Variants in WDFY4 observed in about 807,000 individuals in gnomAD.
WDFY4 encodes WDFY family member 4, also known as WD repeat- and FYVE domain-containing protein 4.
Under a neutral mutation model 351.9 loss-of-function variants are expected in WDFY4, and 169 were observed. The observed-to-expected ratio is 0.48, with a 90% CI of 0.42 to 0.55. The LOEUF (loss-of-function observed/expected upper bound fraction) is 0.55. Among genes scored for constraint, WDFY4 ranks in the 20% least tolerant of loss-of-function variants. WDFY4 has a pLI of 0.00. For synonymous variants in WDFY4, 1,622 were observed against 1,574.6 expected (o/e 1.03, Z -0.71); for missense variants, 3,803 against 3,935.6 (o/e 0.97, Z 0.90).
rs114778389 is a variant in WDFY4, at chr10:48,731,972, G to C, written c.1582+410G>C. Among the ~76,000 whole-genome samples the C allele has an allele frequency of 5.1e-3, 776 of 152,284 alleles. 6 individuals carry two copies. Among genetic ancestry groups the C allele is most frequent in the African/African-American group, 0.018 (735 of 41,568 alleles). On this transcript the variant is annotated intron_variant, in intron 9 of 61. Coordinates refer to ENST00000325239, the MANE Select transcript of WDFY4 (RefSeq NM_001394531.1). ...CTGTTCACTTTGCACTGTTGGCTCAGTGGTCTCCCACTGGGAGAGAGCTCC... is the reference window on the plus strand; with the variant it reads ...CTGTTCACTTTGCACTGTTGGCTCACTGGTCTCCCACTGGGAGAGAGCTCC...
chr10:48,743,162 G>C lies in WDFY4; in HGVS notation c.2073G>C (p.Ala691=), dbSNP rs769905127. ...VLYTLCAVSA[A]LHWDPVNGYF... Reference sequence around the variant, plus strand: ...ACACTCTCTGTGCTGTGTCCGCAGCGCTGCACTGGGACCCTGTCAATGGCT... The same window carrying C: ...ACACTCTCTGTGCTGTGTCCGCAGCCCTGCACTGGGACCCTGTCAATGGCT... The change falls in exon 12 of 62, where the codon GCG becomes GCC. Residue 691 remains alanine (A), a synonymous_variant. Coordinates refer to ENST00000325239, the MANE Select transcript of WDFY4 (RefSeq NM_001394531.1). 38 of 1,551,586 alleles carry C rather than the reference G, an allele frequency of 2.4e-5. No homozygotes were observed. The African/African-American group carries it at 4.1e-4, about 17-fold the overall frequency.
rs1842359212 is a variant in WDFY4 at position 48,972,005 on chromosome 10, A to G, written c.8928+1716A>G. ...GTACTGGGGCAGTGATTTTTCTATC[A>G]TCCTCTGAGTTCCCATTTAACAGTG... On this transcript the variant is annotated intron_variant, in intron 57 of 61. Coordinates refer to ENST00000325239, the MANE Select transcript of WDFY4 (RefSeq NM_001394531.1). Among the ~76,000 whole-genome samples, 5 of 152,170 alleles carry G rather than the reference A, an allele frequency of 3.3e-5. No individual in the cohort carries two copies. The South Asian group carries it at 1.0e-3, about 32-fold the overall frequency.
chr10:48,797,311 A>G (rs2066909894), intron 24 of WDFY4, among the ~76,000 whole-genome samples: 1 of 152,150 alleles, frequency 6.6e-6, no homozygotes, highest in Non-Finnish European at 1.5e-5. Flanking sequence ...CCCAGACTAC[A>G]CTTTAGCCTG....
chr10:48,808,478 C>A (rs2067331599), intron 28 of WDFY4, among the ~76,000 whole-genome samples: 1 of 152,214 alleles, frequency 6.6e-6, no homozygotes, highest in African/African-American at 2.4e-5. Flanking sequence ...CCACTGCCTG[C>A]CTGCTTTACC....
intron 54 of WDFY4, among the ~76,000 whole-genome samples, chr10:48,964,533 C>T (rs974860872): frequency 1.3e-5 from 2 of 152,180 alleles, no homozygotes; most frequent in Admixed American, 1.3e-4. Context: ...AAATACCTTG[C>T]CTAGAATTAC....
At chr10:48,817,952 T>C (rs934671117) in intron 32 of WDFY4, among the ~76,000 whole-genome samples, 4 of 152,162 alleles carry the variant, frequency 2.6e-5, no homozygotes. Context: ...CTCTGGGGGT[T>C]AGAGAAGGGG....
At chr10:48,843,881 T>C (rs1032620639) in intron 39 of WDFY4, among the ~76,000 whole-genome samples, 58 of 152,356 alleles carry the variant, frequency 3.8e-4, no homozygotes, top group African/African-American at 1.3e-3. Context: ...TTCATCTAAA[T>C]TAAGTGTTTT....
chr10:48,957,167 T>C lies in WDFY4; in HGVS notation c.8016T>C (p.Ser2672=), dbSNP rs1841633249. Residue 2672 remains serine (S), a synonymous_variant, in exon 52 of 62, where the codon AGT becomes AGC. Transcript: ENST00000325239. ...ACGTGGCAGACAGAATGTTCCACAG[T>C]GTGAAGAGCACGTGGGAGTCGGCCT... ...SFDVADRMFH[S]VKSTWESASR... is the part of the protein sequence containing the mutation. 2 of 1,551,646 alleles carry C rather than the reference T, an allele frequency of 1.3e-6. No individual in the cohort carries two copies. The highest frequency in any genetic ancestry group is 2.4e-5 in the South Asian group (2 of 84,062).
chr10:48,840,653 A>G (rs1214998989), intron 39 of WDFY4, among the ~76,000 whole-genome samples: 1 of 152,210 alleles, frequency 6.6e-6, no homozygotes, highest in Non-Finnish European at 1.5e-5. Context: ...GCAGAACTGA[A>G]CAAGGACGAG....
In WDFY4 at chr10:48,978,402, C is replaced by A; in HGVS notation, c.9376+9C>A. On this transcript the variant is annotated intron_variant, in intron 60 of 61. Transcript: ENST00000325239. ...GCCTCCAAGCCCAAGAGGTACCTGA[C>A]CTGCTAGGGATGTGGCCGTCCTGGC... The A allele has an allele frequency of 6.5e-7, 1 of 1,548,736 alleles. No homozygotes were observed. The highest frequency in any genetic ancestry group is 8.7e-7 in the Non-Finnish European group (1 of 1,145,690).
At chr10:48,936,802 C>A (rs1453100529) in intron 47 of WDFY4, among the ~76,000 whole-genome samples, 1 of 145,276 alleles carries the variant, frequency 6.9e-6, no homozygotes, top group Non-Finnish European at 1.5e-5. Context: ...CGCGCCACTG[C>A]ACTCCAGCCT....
chr10:48,956,917 A>G (rs1841617344), intron 51 of WDFY4, among the ~76,000 whole-genome samples: 1 of 152,196 alleles, frequency 6.6e-6, no homozygotes, highest in African/African-American at 2.4e-5. Flanking sequence ...TCTGCCTTGA[A>G]GCTCTGGAGC....
chr10:48,843,845 G>A (rs1194262522), intron 39 of WDFY4, among the ~76,000 whole-genome samples: 8 of 152,224 alleles, frequency 5.3e-5, no homozygotes, highest in African/African-American at 1.9e-4. Context: ...AAAATTATGA[G>A]TTATGAGGAA....
chr10:48,904,808 G>A (rs1009651787), intron 47 of WDFY4, among the ~76,000 whole-genome samples: 3 of 152,146 alleles, frequency 2.0e-5, no homozygotes, highest in South Asian at 2.1e-4. Context: ...GGATGTACCC[G>A]CCCAGCTTCT....
At chr10:48,803,381 T>C (rs1176141283) in intron 25 of WDFY4, 22 bp downstream of exon 25, 1 of 1,551,098 alleles carries the variant, frequency 6.4e-7, no homozygotes, top group Admixed American at 2.0e-5. Context: ...CTTGGCAGCC[T>C]GGGGGTTAGA....
chr10:48,958,929 C>G (rs566006856), intron 52 of WDFY4, among the ~76,000 whole-genome samples: 1 of 152,306 alleles, frequency 6.6e-6, no homozygotes, highest in East Asian at 1.9e-4. Flanking sequence ...TTTATTCCAG[C>G]TGCTTCTTGC....
intron 57 of WDFY4, among the ~76,000 whole-genome samples, chr10:48,970,789 A>C (rs1203446140): frequency 6.6e-6 from 1 of 152,232 alleles, no homozygotes; most frequent in Non-Finnish European, 1.5e-5. Flanking sequence ...GATGCAAAGA[A>C]GTTTAAGTGG....
rs1380751679 is a variant in WDFY4, at chr10:48,903,771, CTG to C, written c.7586+1909_7586+1910del. ...TCATGGAGCTATTGGGCATATGAAT[CTG>C]GAGTTCAAGAGAGAGGTTCAAGTGA... On this transcript the variant is annotated intron_variant, in intron 47 of 61. Coordinates refer to ENST00000325239, the MANE Select transcript of WDFY4 (RefSeq NM_001394531.1). Among the ~76,000 whole-genome samples the C allele has an allele frequency of 2.0e-5, 3 of 152,184 alleles. No individual in the cohort carries two copies. In the East Asian group the frequency reaches 5.8e-4, roughly 29 times the overall value.
intron 52 of WDFY4, among the ~76,000 whole-genome samples, chr10:48,958,059 A>G (rs1841689081): frequency 6.6e-6 from 1 of 152,118 alleles, no homozygotes; most frequent in African/African-American, 2.4e-5. Flanking sequence ...CCCCCTCGTC[A>G]GTGTTCTCCT....
Sources: allele counts gnomAD v4.1 joint callset (sites outside exome capture counted in the v4.1 genomes callset), GRCh38; gene constraint gnomAD v4.1.1; transcripts MANE v1.5; gene names NCBI Gene and HGNC (gene_info 2026-07-23, HGNC 2026-07-21).